LRRC37A2: variants seen among roughly 807,000 people sequenced by gnomAD.
LRRC37A2 encodes the protein leucine rich repeat containing 37 member A2, also known as leucine-rich repeat-containing protein 37A2.
LRRC37A2 carries 9 observed loss-of-function variants against 68.8 expected under a neutral mutation model. That is an observed-to-expected ratio of 0.13 (90% CI 0.08 to 0.23). The LOEUF (loss-of-function observed/expected upper bound fraction) is 0.23, where lower values mean the gene tolerates loss of function less well. LRRC37A2 is among the 10% of genes least tolerant of loss of function. The pLI is 1.00. For missense variants in LRRC37A2, 168 were observed against 950.4 expected (o/e 0.18, Z 10.82); for synonymous variants, 63 against 367.6 (o/e 0.17, Z 9.48).
chr17:46,970,235 T>A, the LRRC37A2 span, among the ~76,000 whole-genome samples: 1 of 152,128 alleles, frequency 6.6e-6, no homozygotes, highest in African/African-American at 2.4e-5. Flanking sequence ...ATTAAGATGC[T>A]TCCTGCAAAA....
At chr17:46,502,763 G>A in the LRRC37A2 span, among the ~76,000 whole-genome samples, 23 of 151,238 alleles carry the variant, frequency 1.5e-4, no homozygotes, top group Admixed American at 1.4e-3. Flanking sequence ...AAGGGAAATG[G>A]TCACCAGCAA....
the LRRC37A2 span, among the ~76,000 whole-genome samples, chr17:46,497,130 G>GCCACCTGC: frequency 7.7e-6 from 1 of 129,292 alleles, no homozygotes; most frequent in Non-Finnish European, 1.6e-5. Context: ...CTGGGCTCAA[G>GCCACCTGC]CCACCTGCCC....
At chr17:46,704,030 CT>C in the LRRC37A2 span, among the ~76,000 whole-genome samples, 1 of 149,234 alleles carries the variant, frequency 6.7e-6, no homozygotes, top group Non-Finnish European at 1.5e-5. Flanking sequence ...TCAGAATTTT[CT>C]TTCTTTTTAA....
At chr17:46,815,270 G>A in the LRRC37A2 span, among the ~76,000 whole-genome samples, 1 of 152,174 alleles carries the variant, frequency 6.6e-6, no homozygotes, top group Non-Finnish European at 1.5e-5. Context: ...GTTGTTTCCT[G>A]TCCCGGCTCT....
At chr17:46,861,550 A>C in the LRRC37A2 span, among the ~76,000 whole-genome samples, 2 of 152,198 alleles carry the variant, frequency 1.3e-5, no homozygotes. Context: ...GGAACTGGAC[A>C]CAAAGCAGAG....
the LRRC37A2 span, among the ~76,000 whole-genome samples, chr17:46,981,781 ACTACAGCCCTGATCACCTGG>A: frequency 6.6e-6 from 1 of 152,152 alleles, no homozygotes; most frequent in Non-Finnish European, 1.5e-5. Flanking sequence ...ATCACAACTC[ACTACAGCCCTGATCACCTGG>A]CTCAAGTGAT....
chr17:46,985,519 CAAA>C, the LRRC37A2 span, among the ~76,000 whole-genome samples: 11 of 111,404 alleles, frequency 9.9e-5, no homozygotes, highest in Admixed American at 1.8e-4. Context: ...GATTCCATCT[CAAA>C]AAAAAAAAAA....
At chr17:46,958,794 C>T in the LRRC37A2 span, among the ~76,000 whole-genome samples, 1 of 152,200 alleles carries the variant, frequency 6.6e-6, no homozygotes, top group Non-Finnish European at 1.5e-5. Flanking sequence ...TGAGTCCAGT[C>T]CATAGAAAGC....
At chr17:46,896,452 A>AAGAAAGAAAGAG in the LRRC37A2 span, among the ~76,000 whole-genome samples, 11 of 65,834 alleles carry the variant, frequency 1.7e-4, 1 homozygote, top group South Asian at 5.9e-4. Flanking sequence ...GAAAGAAAGA[A>AAGAAAGAAAGAG]AAAGAAAGAA....
the LRRC37A2 span, among the ~76,000 whole-genome samples, chr17:47,015,161 C>A: frequency 6.6e-6 from 1 of 151,950 alleles, no homozygotes; most frequent in East Asian, 1.9e-4. Flanking sequence ...ACACGCGTCA[C>A]CACACTCAGC....
At chr17:47,021,773 G>T in the LRRC37A2 span, 1 of 1,004,484 alleles carries the variant, frequency 1.0e-6, no homozygotes, top group African/African-American at 1.7e-5. Flanking sequence ...TCCCCAACAA[G>T]GTTGCAATGA....
chr17:46,497,868 A>G, the LRRC37A2 span, among the ~76,000 whole-genome samples: 3 of 149,232 alleles, frequency 2.0e-5, no homozygotes, highest in East Asian at 3.9e-4. Context: ...TACATGTGAT[A>G]GTCCTCAGCA....
chr17:46,863,651 G>A, the LRRC37A2 span, among the ~76,000 whole-genome samples: 1 of 152,170 alleles, frequency 6.6e-6, no homozygotes, highest in Non-Finnish European at 1.5e-5. Flanking sequence ...AAAAGGACAT[G>A]GCTATAAAAG....
chr17:46,937,214 A>T, the LRRC37A2 span: 1 of 152,150 alleles, frequency 6.6e-6, no homozygotes, highest in South Asian at 2.1e-4. Context: ...CATCTATAGA[A>T]GGGTTTTAGG....
the LRRC37A2 span, among the ~76,000 whole-genome samples, chr17:46,956,306 T>C: frequency 6.8e-5 from 3 of 44,324 alleles, no homozygotes; most frequent in African/African-American, 1.3e-4. Context: ...TTTTTTTTTT[T>C]TGAGACAGAG....
the LRRC37A2 span, among the ~76,000 whole-genome samples, chr17:46,910,577 C>T: frequency 6.6e-6 from 1 of 152,206 alleles, no homozygotes; most frequent in Non-Finnish European, 1.5e-5. Flanking sequence ...ACCTCTTTGT[C>T]CTCAAGAAGC....
chr17:46,602,733 A>G, the LRRC37A2 span, among the ~76,000 whole-genome samples: 1 of 146,912 alleles, frequency 6.8e-6, no homozygotes, highest in Non-Finnish European at 1.5e-5. Context: ...CTCTGTGTCA[A>G]ATTTTTAAAT....
At chr17:46,877,399 G>A in the LRRC37A2 span, among the ~76,000 whole-genome samples, 4 of 152,156 alleles carry the variant, frequency 2.6e-5, no homozygotes, top group Admixed American at 6.5e-5. Context: ...ATATGCCTCC[G>A]CTGAGGCCTC....
At chr17:47,022,333 C>T in the LRRC37A2 span, among the ~76,000 whole-genome samples, 3 of 148,090 alleles carry the variant, frequency 2.0e-5, no homozygotes, top group Admixed American at 2.0e-4. Context: ...ACCACACCCA[C>T]CTAATTTTGT....
Sources: gnomAD v4.1 joint callset for allele counts (sites outside exome capture counted in the v4.1 genomes callset) on GRCh38, gnomAD v4.1.1 for gene constraint, MANE v1.5 for transcripts, NCBI Gene and HGNC (gene_info 2026-07-23, HGNC 2026-07-21) for gene names.